Variants in CPT1A observed in about 807,000 individuals in gnomAD.
CPT1A encodes the protein carnitine palmitoyltransferase 1A, also known as carnitine O-palmitoyltransferase 1, liver isoform.
In CPT1A, 64 loss-of-function variants were observed where a neutral mutation model predicts 100.8. That is an observed-to-expected ratio of 0.63 (90% confidence interval 0.52 to 0.78). The LOEUF (loss-of-function observed/expected upper bound fraction) is 0.78, where lower values mean the gene tolerates loss of function less well. Ranked by LOEUF, CPT1A falls within the 30% of genes least tolerant of loss-of-function variation. The pLI is 0.00. For synonymous variants in CPT1A, 363 were observed against 396.0 expected, an observed-to-expected ratio of 0.92 and a Z score of 0.99; for missense variants, 802 against 1,034.1, an observed-to-expected ratio of 0.78 and a Z score of 3.08.
chr11:68,807,423 C>T lies in CPT1A; in HGVS notation c.453+44G>A, dbSNP rs1374430287. ...GCAGGGGTGTCCTTCTTCCCAAAGC[C>T]CAAACTGTCCACCCCCTCCACAGCC... On this transcript the variant is annotated intron_variant, in intron 4 of 18. Coordinates refer to ENST00000265641, the MANE Select transcript of CPT1A (RefSeq NM_001876.4). 7 of 1,595,212 alleles carry T rather than the reference C, an allele frequency of 4.4e-6. No individual in the cohort carries two copies. The East Asian group carries it at 1.1e-4, about 26-fold the overall frequency.
chr11:68,842,130 G>A (rs1427207087), upstream of CPT1A, among the ~76,000 whole-genome samples: 1 of 152,136 alleles, frequency 6.6e-6, no homozygotes, highest in Non-Finnish European at 1.5e-5. Flanking sequence ...TCCGTAAAAC[G>A]AGCCATCTCG....
At chr11:68,788,236 G>C (rs1014476678) in intron 9 of CPT1A, among the ~76,000 whole-genome samples, 18 of 152,248 alleles carry the variant, frequency 1.2e-4, no homozygotes, top group Admixed American at 6.5e-4. Context: ...CTTAGAAACA[G>C]CTCGAACAAA....
At chr11:68,758,820 G>A (rs2153994636) in intron 18 of CPT1A, among the ~76,000 whole-genome samples, 1 of 151,058 alleles carries the variant, frequency 6.6e-6, no homozygotes, top group South Asian at 2.1e-4. Context: ...GTTTCACCAT[G>A]TTGGCCAGGA....
chr11:68,791,043 C>T lies in CPT1A; in HGVS notation c.967+2272G>A, dbSNP rs576788303. ...TTCACCATGTTGGCCAGGCTGGTGT[C>T]GAACTCCTGACCTCAGGTGATCCAC... On this transcript the variant is annotated intron_variant, in intron 9 of 18. Coordinates refer to ENST00000265641, the MANE Select transcript of CPT1A (RefSeq NM_001876.4). 8.5e-5 allele frequency among the ~76,000 whole-genome samples: 13 copies of T among 152,224 alleles called. No homozygotes were observed. In the South Asian group the frequency reaches 1.2e-3, roughly 15 times the overall value.
In CPT1A at chr11:68,755,193, A is replaced by T. The variant is rs1946667550; in HGVS notation, c.*2451T>A. On this transcript the variant is annotated 3_prime_UTR_variant, in exon 19 of 19. Transcript: ENST00000265641. ...ATTTAAAACCTGAGAGAGAAACCCA[A>T]ATATGTTTAAGCACTCACGTCTACA... The T allele has an allele frequency of 3.5e-6, 1 of 282,598 alleles. No individual in the cohort carries two copies. The highest frequency in any genetic ancestry group is 2.2e-5 in the African/African-American group (1 of 46,138). 17.5% of individuals were successfully genotyped at this position (282,598 alleles called of 1,614,324 possible). A position where few individuals can be genotyped will look rare whatever the true frequency, so the allele number is the denominator to read the frequency against.
At chr11:68,786,979 T>G (rs1415105964) in intron 9 of CPT1A, among the ~76,000 whole-genome samples, 7 of 152,186 alleles carry the variant, frequency 4.6e-5, no homozygotes, top group Admixed American at 4.6e-4. Context: ...ACACCATGAC[T>G]ATGTATATTC....
chr11:68,801,487 G>A (rs541600649), intron 5 of CPT1A, among the ~76,000 whole-genome samples: 5 of 152,082 alleles, frequency 3.3e-5, no homozygotes, highest in Non-Finnish European at 5.9e-5. Context: ...AAAATTAGCC[G>A]GGTGTGGTGG....
intron 1 of CPT1A, among the ~76,000 whole-genome samples, chr11:68,831,803 T>C (rs529552498): frequency 9.2e-5 from 14 of 151,920 alleles, no homozygotes; most frequent in Non-Finnish European, 2.1e-4. Flanking sequence ...CTGGCTAATT[T>C]TGTATTTTTA....
At chr11:68,781,711 C>T (rs938282245) in intron 11 of CPT1A, 60 bp downstream of exon 11, 1 of 1,431,506 alleles carries the variant, frequency 7.0e-7, no homozygotes, top group African/African-American at 1.4e-5. Context: ...GTCAGGCACA[C>T]AGGGTATTTC....
intron 1 of CPT1A, among the ~76,000 whole-genome samples, chr11:68,825,332 G>T (rs1360409856): frequency 6.6e-6 from 1 of 152,130 alleles, no homozygotes; most frequent in Non-Finnish European, 1.5e-5. Context: ...GAGCTCCTCA[G>T]ATACTCCAAG....
chr11:68,822,671 G>A (rs1259185387), intron 1 of CPT1A, among the ~76,000 whole-genome samples: 1 of 152,118 alleles, frequency 6.6e-6, no homozygotes, highest in African/African-American at 2.4e-5. Context: ...ATTCATGATA[G>A]CCAAAAAGTG....
chr11:68,827,241 G>A (rs749765031), intron 1 of CPT1A, among the ~76,000 whole-genome samples: 16 of 152,232 alleles, frequency 1.1e-4, no homozygotes, highest in South Asian at 1.0e-3. Flanking sequence ...GCTGAAGGGC[G>A]AGGCTCACAC....
intron 9 of CPT1A, chr11:68,786,121 G>A: frequency 1.4e-6 from 1 of 698,454 alleles, no homozygotes; most frequent in South Asian, 1.5e-5. Flanking sequence ...CAGCACTTCA[G>A]GAGGCCAAGG....
chr11:68,757,845 C>A, intron 18 of CPT1A, 115 bp from the exon 19 acceptor site: 1 of 885,546 alleles, frequency 1.1e-6, no homozygotes, highest in Non-Finnish European at 1.8e-6. Context: ...TCTGCCAGTT[C>A]TCTAAGATCT....
chr11:68,795,343 A>G (rs929750031), intron 7 of CPT1A, among the ~76,000 whole-genome samples: 4 of 152,252 alleles, frequency 2.6e-5, no homozygotes, highest in African/African-American at 4.8e-5. Flanking sequence ...AATTGGAAGA[A>G]AAGGCCAAGG....
At chr11:68,775,276 A>G in intron 13 of CPT1A, 40 bp downstream of exon 13, 1 of 1,495,814 alleles carries the variant, frequency 6.7e-7, no homozygotes, top group Non-Finnish European at 9.3e-7. Context: ...TGTGTTTCCC[A>G]TCCCAGGTAA....
At chr11:68,816,698 TA>T (rs1856400033) in intron 1 of CPT1A, among the ~76,000 whole-genome samples, 1 of 151,746 alleles carries the variant, frequency 6.6e-6, no homozygotes, top group Admixed American at 6.6e-5. Flanking sequence ...ACTAAATGGA[TA>T]AAAGAGAAGC....
At chr11:68,790,318 A>C (rs1355737573) in intron 9 of CPT1A, among the ~76,000 whole-genome samples, 1 of 151,964 alleles carries the variant, frequency 6.6e-6, no homozygotes, top group Non-Finnish European at 1.5e-5. Context: ...TGATCCACCC[A>C]CCTCAGCCTC....
At chr11:68,801,395 C>G (rs537461811) in intron 5 of CPT1A, among the ~76,000 whole-genome samples, 5 of 151,932 alleles carry the variant, frequency 3.3e-5, no homozygotes, top group Middle Eastern at 3.4e-3. Context: ...TTTGGGAGGC[C>G]AAGGTGGGCA....
Sources: allele counts gnomAD v4.1 joint callset (sites outside exome capture counted in the v4.1 genomes callset), GRCh38; gene constraint gnomAD v4.1.1; transcripts MANE v1.5; gene names NCBI Gene and HGNC (gene_info 2026-07-23, HGNC 2026-07-21).